Variants in CREB1 observed in about 807,000 individuals in gnomAD.
CREB1 encodes the protein cyclic AMP-responsive element-binding protein 1.
CREB1 carries 2 observed loss-of-function variants against 42.0 expected under a neutral mutation model. That is an observed-to-expected ratio of 0.05 (90% confidence interval 0.02 to 0.15). CREB1 has a LOEUF of 0.15. Among genes scored for constraint, CREB1 ranks in the 10% least tolerant of loss-of-function variants. The pLI is 1.00. For missense variants in CREB1, 199 were observed against 388.9 expected (o/e 0.51, Z 4.11); for synonymous variants, 123 against 139.9 (o/e 0.88, Z 0.85).
chr2:207,543,489 ATG>A (rs1233220175), intron 1 of CREB1, among the ~76,000 whole-genome samples: 15 of 152,166 alleles, frequency 9.9e-5, no homozygotes, highest in African/African-American at 3.4e-4. Context: ...AATTTAAGTG[ATG>A]TGTGTAGAAA....
chr2:207,584,717 T>TA (rs2083514338), intron 7 of CREB1, among the ~76,000 whole-genome samples: 1 of 152,198 alleles, frequency 6.6e-6, no homozygotes, highest in African/African-American at 2.4e-5. Flanking sequence ...TAGTGACTTT[T>TA]ATGTGATTTG....
At chr2:207,552,532 C>G (rs1255580858) in intron 1 of CREB1, among the ~76,000 whole-genome samples, 1 of 139,742 alleles carries the variant, frequency 7.2e-6, no homozygotes, top group Non-Finnish European at 1.6e-5. Flanking sequence ...AGGTATGATA[C>G]ATTTGTATTT....
At chr2:207,581,588 G>A (rs2082963574) in intron 7 of CREB1, 2 of 303,738 alleles carry the variant, frequency 6.6e-6, no homozygotes, top group East Asian at 1.0e-4. Flanking sequence ...CCAGTACAAA[G>A]GTAAATATAC....
At chr2:207,577,348 C>T (rs1443631138) in intron 6 of CREB1, 157 bp from the exon 7 acceptor site, 19 of 1,101,842 alleles carry the variant, frequency 1.7e-5, no homozygotes, top group South Asian at 1.0e-4. Context: ...AGTAGTGGCG[C>T]GAAGAGTGCT....
chr2:207,560,524 T>G, intron 3 of CREB1, 152 bp downstream of exon 3: 1 of 647,450 alleles, frequency 1.5e-6, no homozygotes, highest in South Asian at 3.1e-5. Flanking sequence ...AGTCACCTTA[T>G]GTATAGGAAC....
In CREB1 at chr2:207,605,661, T is replaced by C. The variant is rs1329245403; in HGVS notation, c.*8603T>C. 6.6e-6 allele frequency among the ~76,000 whole-genome samples: 1 copy of C among 152,122 alleles called. No individual in the cohort carries two copies. Among genetic ancestry groups the C allele is most frequent in the Non-Finnish European group, 1.5e-5 (1 of 68,014 alleles). ...CCTCTCCCTTTTTTTACACAAAAGG[T>C]AGGTACAAACAGTGGTTTATAAACT... On this transcript the variant is annotated 3_prime_UTR_variant, in exon 8 of 8. Coordinates refer to ENST00000353267, the MANE Select transcript of CREB1 (RefSeq NM_004379.5).
intron 7 of CREB1, among the ~76,000 whole-genome samples, chr2:207,591,703 G>T (rs936079355): frequency 6.6e-6 from 1 of 152,118 alleles, no homozygotes; most frequent in African/African-American, 2.4e-5. Context: ...AAAGTGCTGG[G>T]ATTACAGGCG....
At chr2:207,569,905 C>G (rs1334342056) in intron 4 of CREB1, among the ~76,000 whole-genome samples, 1 of 151,698 alleles carries the variant, frequency 6.6e-6, no homozygotes, top group Non-Finnish European at 1.5e-5. Flanking sequence ...ATTAGCCAGG[C>G]GTGGTGGCAG....
intron 5 of CREB1, among the ~76,000 whole-genome samples, 198 bp from the exon 6 acceptor site, chr2:207,575,074 T>C (rs564522068): frequency 6.6e-6 from 1 of 152,328 alleles, no homozygotes; most frequent in South Asian, 2.1e-4. Flanking sequence ...ATGCAGTTCA[T>C]AGAGTGCATT....
intron 1 of CREB1, among the ~76,000 whole-genome samples, chr2:207,545,456 CT>C (rs1352286657): frequency 6.6e-6 from 1 of 152,190 alleles, no homozygotes. Context: ...ATCCACCCGC[CT>C]TGGCCTCCCA....
intron 7 of CREB1, among the ~76,000 whole-genome samples, chr2:207,586,605 C>G (rs2083887042): frequency 1.3e-5 from 2 of 152,082 alleles, no homozygotes; most frequent in African/African-American, 2.4e-5. Flanking sequence ...GCAAAGGAAA[C>G]AGAGTGAAGA....
chr2:207,590,306 G>A (rs1056923943), intron 7 of CREB1, among the ~76,000 whole-genome samples: 5 of 151,346 alleles, frequency 3.3e-5, no homozygotes, highest in South Asian at 2.1e-4. Flanking sequence ...GTTAATTTTT[G>A]TCTTTCCTCT....
chr2:207,544,943 C>T (rs377420432), intron 1 of CREB1, among the ~76,000 whole-genome samples: 2 of 152,076 alleles, frequency 1.3e-5, no homozygotes, highest in African/African-American at 4.8e-5. Flanking sequence ...GTGTATGTAC[C>T]ACATTTTCTT....
chr2:207,563,779 A>T lies in CREB1; in HGVS notation c.261+3407A>T, dbSNP rs140585834. On this transcript the variant is annotated intron_variant, in intron 3 of 7. Transcript: ENST00000353267. ...GCCAACATGGCAAAACGCCATCTCT[A>T]CTAAAAATGCAAAAATTAGCCAGGC... 9.1e-3 allele frequency among the ~76,000 whole-genome samples: 1,389 copies of T among 152,228 alleles called. 22 individuals carry two copies. The highest frequency in any genetic ancestry group is 0.032 in the African/African-American group (1,330 of 41,536).
intron 3 of CREB1, 82 bp from the exon 4 acceptor site, chr2:207,567,381 A>C (rs1177775094): frequency 1.1e-6 from 1 of 950,652 alleles, no homozygotes. Context: ...TAAAGTTTAT[A>C]TATGACTTTT....
chr2:207,533,519 T>C (rs957157978), intron 1 of CREB1, among the ~76,000 whole-genome samples: 9 of 152,208 alleles, frequency 5.9e-5, no homozygotes, highest in African/African-American at 2.2e-4. Flanking sequence ...TTACCGAAAT[T>C]TATAATTTCA....
In CREB1 at chr2:207,605,450, A is replaced by G. The variant is rs190615978; in HGVS notation, c.*8392A>G. The stretch of plus-strand genomic sequence containing the variant: ...ATATTCTGGGTACTAGGCCCTTATA[A>G]TATTTTCGCCTATAAGTTTTTGCTT... On this transcript the variant is annotated 3_prime_UTR_variant, in exon 8 of 8. Transcript: ENST00000353267. Among the ~76,000 whole-genome samples, 1 of 152,242 alleles carries G rather than the reference A, an allele frequency of 6.6e-6. No individual in the cohort carries two copies.
chr2:207,561,489 A>G (rs1473946595), intron 3 of CREB1, among the ~76,000 whole-genome samples: 2 of 152,164 alleles, frequency 1.3e-5, no homozygotes, highest in Non-Finnish European at 2.9e-5. Context: ...GATCCAAAAT[A>G]TATCTTCCTA....
intron 1 of CREB1, among the ~76,000 whole-genome samples, chr2:207,549,662 C>A (rs1393634606): frequency 6.6e-6 from 1 of 152,086 alleles, no homozygotes; most frequent in Non-Finnish European, 1.5e-5. Flanking sequence ...ATCACAAGGT[C>A]AGGAAATCGA....
Sources: allele counts gnomAD v4.1 joint callset (sites outside exome capture counted in the v4.1 genomes callset), GRCh38; gene constraint gnomAD v4.1.1; transcripts MANE v1.5; gene names NCBI Gene and HGNC (gene_info 2026-07-23, HGNC 2026-07-21).